KLHL4: variants seen among roughly 807,000 people sequenced by gnomAD.
The protein encoded by KLHL4 is kelch like family member 4, also known as kelch-like protein 4.
KLHL4 carries 17 observed loss-of-function variants against 45.8 expected under a neutral mutation model. That is an observed-to-expected ratio of 0.37 (90% CI 0.25 to 0.56). The LOEUF is 0.56. KLHL4 is among the 20% of genes least tolerant of loss of function. The pLI is 0.79. For synonymous variants in KLHL4, 224 were observed against 189.9 expected (o/e 1.18, Z -1.47); for missense variants, 544 against 544.9 (o/e 1.00, Z 0.02).
chrX:87,530,878 G>C (rs1931254583), intron 1 of KLHL4, among the ~76,000 whole-genome samples: 1 of 109,734 alleles, frequency 9.1e-6, no homozygotes, highest in African/African-American at 3.3e-5. Flanking sequence ...CTAGTTTACA[G>C]TCCCACCAAC....
In KLHL4 at chrX:87,517,833, A is replaced by C; in HGVS notation, c.-61A>C. 9.1e-7 allele frequency: 1 copy of C among 1,096,641 alleles called. No homozygotes were observed. Among genetic ancestry groups the C allele is most frequent in the Non-Finnish European group, 1.2e-6 (1 of 818,256 alleles). 90.4% of individuals were successfully genotyped at this position (1,096,641 alleles called of 1,213,427 possible). On this transcript the variant is annotated 5_prime_UTR_variant, in exon 1 of 11. Transcript: ENST00000373119. ...TCTACAGAAGAGGCAGAAAAACAAG[A>C]GATAACAAAGGCTCCGTTTCCTTTC...
At chrX:87,656,953 A>T (rs958841847) in intron 9 of KLHL4, among the ~76,000 whole-genome samples, 1 of 111,034 alleles carries the variant, frequency 9.0e-6, no homozygotes, top group Non-Finnish European at 1.9e-5. Context: ...AGTGGCAAAG[A>T]CTCTGTATGA....
chrX:87,543,161 T>C (rs1931598732), intron 1 of KLHL4, among the ~76,000 whole-genome samples: 1 of 111,663 alleles, frequency 9.0e-6, no homozygotes, highest in Non-Finnish European at 1.9e-5. Flanking sequence ...TTTGGATCTA[T>C]GAGTCGATTA....
chrX:87,614,833 C>G (rs769127778), intron 3 of KLHL4, among the ~76,000 whole-genome samples: 2 of 110,455 alleles, frequency 1.8e-5, no homozygotes, highest in African/African-American at 6.5e-5. Flanking sequence ...ATACCTTAAC[C>G]ATGAGAGCAG....
intron 5 of KLHL4, among the ~76,000 whole-genome samples, chrX:87,625,226 G>A (rs1277777594): frequency 1.8e-5 from 2 of 112,134 alleles, no homozygotes; most frequent in Non-Finnish European, 3.8e-5. Context: ...TATTTTCCTT[G>A]ATAAGTGAAA....
At position 87,526,134 on chromosome X, in the gene KLHL4, C is replaced by CT. The variant is rs368119517; in HGVS notation, c.422+7823dup. Among the ~76,000 whole-genome samples, 462 of 112,005 alleles carry CT rather than the reference C, an allele frequency of 4.1e-3. 4 individuals are homozygous for CT. Among genetic ancestry groups the CT allele is most frequent in the African/African-American group, 0.014 (424 of 30,855 alleles). ...ATCAGCACAGTGAGACTTAGGTGTC[C>CT]TTTTCTGGTTAATGTTGATTACAGT... On this transcript the variant is annotated intron_variant, in intron 1 of 10. Coordinates refer to ENST00000373119, the MANE Select transcript of KLHL4 (RefSeq NM_019117.5).
chrX:87,632,694 A>G (rs1923135281), intron 7 of KLHL4, among the ~76,000 whole-genome samples: 1 of 111,504 alleles, frequency 9.0e-6, no homozygotes. Context: ...TTATTATAAA[A>G]TAATATACAA....
Position 87,617,863 on chromosome X carries a change from G to A in KLHL4, c.728-69G>A, listed in dbSNP as rs5924069. The stretch of plus-strand genomic sequence containing the variant: ...CTAGAGAGGAAAATAAAAAAAAAAT[G>A]TCAACTAGTTGACGTAGTTTTTACT... On this transcript the variant is annotated intron_variant, in intron 3 of 10. Coordinates refer to ENST00000373119, the MANE Select transcript of KLHL4 (RefSeq NM_019117.5). 16 of 920,066 alleles carry A rather than the reference G, an allele frequency of 1.7e-5. No individual in the cohort carries two copies. In the African/African-American group the frequency reaches 2.8e-4, roughly 16 times the overall value. 75.8% of individuals were successfully genotyped at this position (920,066 alleles called of 1,213,427 possible).
chrX:87,622,849 A>G (rs190444883), intron 5 of KLHL4, among the ~76,000 whole-genome samples: 1 of 111,659 alleles, frequency 9.0e-6, no homozygotes, highest in Non-Finnish European at 1.9e-5. Flanking sequence ...AAAGAATGCT[A>G]TCATACTTTC....
chrX:87,667,378 A>G lies in KLHL4; in HGVS notation c.*844A>G, dbSNP rs755201764. On this transcript the variant is annotated 3_prime_UTR_variant, in exon 11 of 11. Transcript: ENST00000373119. ...CTCCTCAAACATTTATGTTAACTCTATAAACAAATATCGTTAAGTTAAACA... is the reference window on the plus strand; with the variant it reads ...CTCCTCAAACATTTATGTTAACTCTGTAAACAAATATCGTTAAGTTAAACA... 37 of 697,712 alleles carry G rather than the reference A, an allele frequency of 5.3e-5. No individual in the cohort carries two copies. Among genetic ancestry groups the G allele is most frequent in the South Asian group, 7.4e-5 (1 of 13,556 alleles). The allele number at this position is 697,712 out of a possible 1,213,427, so 57.5% of individuals were successfully genotyped here.
intron 9 of KLHL4, among the ~76,000 whole-genome samples, chrX:87,653,832 C>T (rs987168436): frequency 9.0e-6 from 1 of 111,450 alleles, no homozygotes; most frequent in Non-Finnish European, 1.9e-5. Context: ...CTTCTCATGG[C>T]CATGTATGAA....
chrX:87,666,198 G>A (rs1924363527), intron 10 of KLHL4, among the ~76,000 whole-genome samples: 1 of 111,135 alleles, frequency 9.0e-6, no homozygotes, highest in Admixed American at 9.6e-5. Context: ...TGACGTGTTA[G>A]TATAATTTGG....
chrX:87,588,055 A>T (rs1375906901), intron 1 of KLHL4, among the ~76,000 whole-genome samples: 2 of 111,670 alleles, frequency 1.8e-5, no homozygotes, highest in Admixed American at 9.6e-5. Context: ...CATTTACAAT[A>T]GCCACACATA....
At chrX:87,534,102 A>T (rs1310179168) in intron 1 of KLHL4, among the ~76,000 whole-genome samples, 1 of 111,606 alleles carries the variant, frequency 9.0e-6, no homozygotes, top group Admixed American at 9.6e-5. Flanking sequence ...TGTTAAATGT[A>T]TAAAGTTATA....
At chrX:87,593,768 T>C (rs962700672) in intron 1 of KLHL4, among the ~76,000 whole-genome samples, 1 of 111,413 alleles carries the variant, frequency 9.0e-6, no homozygotes, top group Admixed American at 9.6e-5. Flanking sequence ...CAACTGTAGT[T>C]CTCCAAAATT....
At chrX:87,567,718 T>C (rs1259089101) in intron 1 of KLHL4, among the ~76,000 whole-genome samples, 1 of 111,449 alleles carries the variant, frequency 9.0e-6, no homozygotes, top group Non-Finnish European at 1.9e-5. Context: ...GAAAATTAAA[T>C]ACCGCATGTT....
intron 9 of KLHL4, among the ~76,000 whole-genome samples, chrX:87,650,642 C>T (rs765707548): frequency 1.9e-4 from 21 of 111,948 alleles, no homozygotes; most frequent in Non-Finnish European, 3.0e-4. Flanking sequence ...CATATACTAC[C>T]TTCATCAGGG....
At chrX:87,575,069 T>C (rs1170241371) in intron 1 of KLHL4, among the ~76,000 whole-genome samples, 2 of 112,149 alleles carry the variant, frequency 1.8e-5, no homozygotes, top group African/African-American at 6.5e-5. Context: ...GATCAGTTGA[T>C]CACAATTACA....
chrX:87,528,167 T>C (rs1243321889), intron 1 of KLHL4, among the ~76,000 whole-genome samples: 1 of 111,946 alleles, frequency 8.9e-6, no homozygotes, highest in Non-Finnish European at 1.9e-5. Flanking sequence ...ATTTGTGATC[T>C]AAGTGAAAAA....
Sources: allele counts gnomAD v4.1 joint callset (sites outside exome capture counted in the v4.1 genomes callset), GRCh38; gene constraint gnomAD v4.1.1; transcripts MANE v1.5; gene names NCBI Gene and HGNC (gene_info 2026-07-23, HGNC 2026-07-21).